Variants in UPP2 observed in about 807,000 individuals in gnomAD.
UPP2 encodes uridine phosphorylase 2.
UPP2 carries 23 observed loss-of-function variants against 26.7 expected under a neutral mutation model. The observed-to-expected ratio is 0.86, with a 90% confidence interval of 0.62 to 1.22. The LOEUF (loss-of-function observed/expected upper bound fraction) is 1.22. Among genes scored for constraint, UPP2 ranks in the 50% most tolerant of loss-of-function variants. UPP2 has a pLI of 0.00. For missense variants in UPP2, 387 were observed against 396.7 expected, an observed-to-expected ratio of 0.98 and a Z score of 0.21; for synonymous variants, 127 against 141.3, an observed-to-expected ratio of 0.90 and a Z score of 0.72.
chr2:158,012,836 A>G (rs926488068), intron 2 of UPP2, among the ~76,000 whole-genome samples: 1 of 152,186 alleles, frequency 6.6e-6, no homozygotes. Context: ...AAACAAAACA[A>G]TAATTACAAA....
intron 3 of UPP2, among the ~76,000 whole-genome samples, chr2:158,047,574 A>G (rs1459065155): frequency 2.0e-5 from 3 of 152,250 alleles, no homozygotes; most frequent in Non-Finnish European, 4.4e-5. Context: ...AGTGGAAATG[A>G]GAAGGCACAG....
At chr2:158,037,180 C>T (rs929124145) in intron 3 of UPP2, among the ~76,000 whole-genome samples, 1 of 151,832 alleles carries the variant, frequency 6.6e-6, no homozygotes, top group African/African-American at 2.4e-5. Flanking sequence ...TGAGACCAGT[C>T]TGGCCAACAT....
At chr2:158,063,953 T>C (rs1362460666) in intron 3 of UPP2, among the ~76,000 whole-genome samples, 1 of 152,250 alleles carries the variant, frequency 6.6e-6, no homozygotes, top group Non-Finnish European at 1.5e-5. Flanking sequence ...TGCATAGTAT[T>C]CCATGGTGTA....
intron 3 of UPP2, among the ~76,000 whole-genome samples, chr2:158,072,669 C>G (rs936531736): frequency 6.7e-6 from 1 of 148,158 alleles, no homozygotes; most frequent in South Asian, 2.2e-4. Context: ...GACAGACAGA[C>G]AGACAGACTC....
chr2:158,027,989 G>A (rs1231273313), intron 3 of UPP2, among the ~76,000 whole-genome samples: 1 of 152,172 alleles, frequency 6.6e-6, no homozygotes, highest in Non-Finnish European at 1.5e-5. Context: ...GGGATCCTGG[G>A]CCAGGCCCAC....
rs575464814 is a variant in UPP2 at position 158,056,444 on chromosome 2, T to G, written c.147+40558T>G. Among the ~76,000 whole-genome samples the G allele has an allele frequency of 2.0e-5, 3 of 152,366 alleles. No individual in the cohort carries two copies. In the East Asian group the frequency reaches 5.8e-4, roughly 29 times the overall value. On this transcript the variant is annotated intron_variant, in intron 3 of 9. Coordinates refer to the UPP2 transcript ENST00000605860. ...TCCAGGATCCAGTATTCATTTCCTATGACCGCTGTAAAAATTTTTGACAAA... is the reference window on the plus strand; with the variant it reads ...TCCAGGATCCAGTATTCATTTCCTAGGACCGCTGTAAAAATTTTTGACAAA...
chr2:158,111,162 G>A (rs765120828), intron 2 of UPP2, among the ~76,000 whole-genome samples: 18 of 151,966 alleles, frequency 1.2e-4, no homozygotes, highest in Non-Finnish European at 1.8e-4. Context: ...AAGTCTTGCC[G>A]ATTCCCTTTC....
intron 5 of UPP2, 41 bp downstream of exon 5, chr2:158,121,659 C>G: frequency 6.5e-7 from 1 of 1,542,608 alleles, no homozygotes; most frequent in Non-Finnish European, 8.9e-7. Flanking sequence ...CAGAAAAATG[C>G]CAGCAACTCT....
chr2:158,032,537 G>A (rs968665149), intron 3 of UPP2, among the ~76,000 whole-genome samples: 1 of 152,152 alleles, frequency 6.6e-6, no homozygotes, highest in Non-Finnish European at 1.5e-5. Flanking sequence ...GGTGGTGAGG[G>A]CAGTGGCAGA....
chr2:158,123,667 C>G (rs1046455552), intron 5 of UPP2, 82 bp from the exon 6 acceptor site: 33 of 1,528,454 alleles, frequency 2.2e-5, no homozygotes, highest in Non-Finnish European at 2.8e-5. Context: ...GCAGCGTGCT[C>G]CAGCCAACAG....
At chr2:158,032,577 G>A (rs992518080) in intron 3 of UPP2, among the ~76,000 whole-genome samples, 2 of 152,134 alleles carry the variant, frequency 1.3e-5, no homozygotes, top group Non-Finnish European at 2.9e-5. Context: ...TGGGACATGG[G>A]GGAGGTGCTG....
At chr2:158,083,675 G>C (rs1008798971) in intron 3 of UPP2, among the ~76,000 whole-genome samples, 4 of 151,584 alleles carry the variant, frequency 2.6e-5, no homozygotes, top group Admixed American at 6.6e-5. Flanking sequence ...TGTAGGTTCT[G>C]TGCATGTATC....
chr2:158,062,015 C>A (rs1200147708), intron 3 of UPP2, among the ~76,000 whole-genome samples: 2 of 152,216 alleles, frequency 1.3e-5, no homozygotes, highest in African/African-American at 4.8e-5. Context: ...GGAACACGGC[C>A]ATACTTGTTT....
At chr2:158,026,623 G>A (rs1683836978) in intron 3 of UPP2, among the ~76,000 whole-genome samples, 1 of 152,118 alleles carries the variant, frequency 6.6e-6, no homozygotes, top group Admixed American at 6.5e-5. Context: ...ATTACCTGTG[G>A]CTCCAGGAGA....
At chr2:158,058,125 C>T (rs561233813) in intron 3 of UPP2, among the ~76,000 whole-genome samples, 1 of 151,880 alleles carries the variant, frequency 6.6e-6, no homozygotes, top group African/African-American at 2.4e-5. Context: ...AACTCCGTCT[C>T]TACTAAAAAT....
intron 3 of UPP2, among the ~76,000 whole-genome samples, chr2:158,021,927 A>G (rs908105213): frequency 2.0e-5 from 3 of 152,214 alleles, no homozygotes; most frequent in Admixed American, 6.5e-5. Context: ...CATTTCAAGT[A>G]ATTAGAAAAT....
intron 3 of UPP2, among the ~76,000 whole-genome samples, chr2:158,029,751 T>A (rs1282200953): frequency 6.6e-6 from 1 of 151,976 alleles, no homozygotes; most frequent in Non-Finnish European, 1.5e-5. Context: ...AGAGGTATTA[T>A]TCAAGACTTC....
chr2:158,084,474 C>T (rs971952216), intron 3 of UPP2, among the ~76,000 whole-genome samples: 2 of 152,048 alleles, frequency 1.3e-5, no homozygotes, highest in African/African-American at 2.4e-5. Flanking sequence ...GTTTCTTTTG[C>T]TGTGCAGAAG....
chr2:158,132,701 G>T (rs1401761998), intron 6 of UPP2, among the ~76,000 whole-genome samples: 2 of 152,024 alleles, frequency 1.3e-5, no homozygotes, highest in African/African-American at 2.4e-5. Context: ...AACAAATTAA[G>T]AAATGGGCAA....
Sources: allele counts gnomAD v4.1 joint callset (sites outside exome capture counted in the v4.1 genomes callset), GRCh38; gene constraint gnomAD v4.1.1; transcripts MANE v1.5; gene names NCBI Gene and HGNC (gene_info 2026-07-23, HGNC 2026-07-21).